NMRK2: variants seen among roughly 807,000 people sequenced by gnomAD.
NMRK2 encodes NRK 2.
A neutral mutation model predicts 24.7 loss-of-function variants in NMRK2; 34 were observed. The ratio of observed to expected loss-of-function variants is 1.37; its 90% CI spans 1.05 to 1.83. The LOEUF is 1.83. NMRK2 is among the 40% of genes most tolerant of loss of function. NMRK2 has a pLI of 0.00. For synonymous variants in NMRK2, 145 were observed against 125.6 expected (o/e 1.15, Z -1.03); for missense variants, 341 against 315.0 (o/e 1.08, Z -0.62).
intron 7 of NMRK2, 70 bp downstream of exon 7, chr19:3,941,247 A>G: frequency 3.3e-6 from 2 of 607,104 alleles, no homozygotes; most frequent in Non-Finnish European, 5.1e-6. Flanking sequence ...GCCCCTCTCC[A>G]TCTTTTTTTT....
rs576258890 is a variant in NMRK2 at position 3,934,246 on chromosome 19, C to CA, written c.26+559dup. Among the ~76,000 whole-genome samples, 530 of 149,004 alleles carry CA rather than the reference C, an allele frequency of 3.6e-3. 3 individuals are homozygous for CA. The highest frequency in any genetic ancestry group is 4.7e-3 in the Non-Finnish European group (317 of 67,022). On this transcript the variant is annotated intron_variant, in intron 2 of 7. Coordinates refer to ENST00000168977, the MANE Select transcript of NMRK2 (RefSeq NM_170678.3). Reference sequence around the variant, plus strand: ...TGGGCGACAGAGTGAGGCTGTGTCTCAAAAAAAAAATCAGTAGGGACAGAA... The same window carrying CA: ...TGGGCGACAGAGTGAGGCTGTGTCTCAAAAAAAAAAATCAGTAGGGACAGAA...
chr19:3,936,542 C>T, intron 2 of NMRK2, 33 bp from the exon 3 acceptor site: 1 of 1,500,084 alleles, frequency 6.7e-7, no homozygotes, highest in Non-Finnish European at 8.9e-7. Flanking sequence ...TGGGGGGAGC[C>T]CAGGCAGTCT....
Position 3,938,766 on chromosome 19 carries a change from A to ATC in NMRK2, c.323+9_323+10dup, listed in dbSNP as rs1192790144. ...TCCTGCTCTACAGCTACAAGTAAACATCTGCAGGCTCTGGCCCCAGGCATG... is the reference window on the plus strand; with the variant it reads ...TCCTGCTCTACAGCTACAAGTAAACATCTCTGCAGGCTCTGGCCCCAGGCATG... On this transcript the variant is annotated splice_region_variant and intron_variant, in intron 5 of 7. Transcript: ENST00000168977. 1.9e-6 allele frequency: 3 copies of ATC among 1,561,042 alleles called. No individual in the cohort carries two copies. Among genetic ancestry groups the ATC allele is most frequent in the African/African-American group, 2.9e-5 (2 of 69,336 alleles).
chr19:3,937,169 A>G (rs1200194729), intron 3 of NMRK2, 71 bp from the exon 4 acceptor site: 1 of 1,511,064 alleles, frequency 6.6e-7, no homozygotes, highest in East Asian at 2.3e-5. Context: ...ACCCCCTAAG[A>G]CTCCATCACC....
At position 3,942,341 on chromosome 19, in the gene NMRK2, G is replaced by T; in HGVS notation, c.*68G>T. 1 of 1,448,746 alleles carries T rather than the reference G, an allele frequency of 6.9e-7. No individual in the cohort carries two copies. 89.7% of individuals were successfully genotyped at this position (1,448,746 alleles called of 1,614,324 possible). ...CCCACTCCCAGTTGGGCGTCCCGGA[G>T]CTCAGGGACTGAGCCCCAAGACGCC... On this transcript the variant is annotated 3_prime_UTR_variant, in exon 8 of 8. Coordinates refer to ENST00000168977, the MANE Select transcript of NMRK2 (RefSeq NM_170678.3).
chr19:3,940,734 C>CAAA (rs752138779), intron 6 of NMRK2, among the ~76,000 whole-genome samples: 3 of 74,362 alleles, frequency 4.0e-5, no homozygotes, highest in African/African-American at 9.6e-5. Context: ...GATTCCATCT[C>CAAA]AAAAAAAAAA....
At chr19:3,937,422 G>A in intron 4 of NMRK2, 134 bp downstream of exon 4, 2 of 425,068 alleles carry the variant, frequency 4.7e-6, no homozygotes, top group South Asian at 4.6e-5. Flanking sequence ...TTCCCCCGGG[G>A]TCCGCCCTCC....
At chr19:3,933,410 G>A in intron 1 of NMRK2, 48 bp from the exon 2 acceptor site, 1 of 500,990 alleles carries the variant, frequency 2.0e-6, no homozygotes, top group Non-Finnish European at 3.5e-6. Context: ...GGAGGGAAGA[G>A]GCAGCCCCCT....
At chr19:3,933,964 T>C (rs938687708) in intron 2 of NMRK2, among the ~76,000 whole-genome samples, 1 of 147,328 alleles carries the variant, frequency 6.8e-6, no homozygotes. Flanking sequence ...AAAAAAAAAA[T>C]AGACCAGACA....
chr19:3,940,964 C>T (rs1599165423), intron 6 of NMRK2, 107 bp from the exon 7 acceptor site: 1 of 699,020 alleles, frequency 1.4e-6, no homozygotes, highest in East Asian at 2.8e-5. Context: ...TCCCCTTGCT[C>T]AGAGGTTCTG....
At chr19:3,935,823 G>A (rs557946438) in intron 2 of NMRK2, among the ~76,000 whole-genome samples, 73 of 150,492 alleles carry the variant, frequency 4.9e-4, no homozygotes, top group Middle Eastern at 3.5e-3. Flanking sequence ...CACCTGCTTC[G>A]GCCTCCCAAA....
At position 3,938,834 on chromosome 19, in the gene NMRK2, T is replaced by TG. The variant is rs1568180835; in HGVS notation, c.323+75_323+76insG. The stretch of plus-strand genomic sequence containing the variant: ...ATAGCCATCTCTTGTTTTTTTTTTT[T>TG]TTTTTTTTTGTTTTGTTTTTTTTTT... On this transcript the variant is annotated intron_variant, in intron 5 of 7. Transcript: ENST00000168977. 1.5e-4 allele frequency: 94 copies of TG among 609,212 alleles called. 2 individuals are homozygous for TG. The African/African-American group carries it at 3.3e-3, about 21-fold the overall frequency. The allele number at this position is 609,212 out of a possible 1,614,324, so 37.7% of individuals were successfully genotyped here.
chr19:3,939,455 A>T lies in NMRK2; in HGVS notation c.324-445A>T, dbSNP rs554695506. Among the ~76,000 whole-genome samples the T allele has an allele frequency of 2.6e-3, 397 of 152,112 alleles. 1 individual carries two copies. Among genetic ancestry groups the T allele is most frequent in the African/African-American group, 9.0e-3 (374 of 41,542 alleles). On this transcript the variant is annotated intron_variant, in intron 5 of 7. Coordinates refer to ENST00000168977, the MANE Select transcript of NMRK2 (RefSeq NM_170678.3). Reference sequence around the variant, plus strand: ...CTTGAACCCGGGAAGTGGAGGTTGCAGTAAGCCGAGATCGCACCACTGCAC... The same window carrying T: ...CTTGAACCCGGGAAGTGGAGGTTGCTGTAAGCCGAGATCGCACCACTGCAC...
chr19:3,935,318 C>G lies in NMRK2; in HGVS notation c.27-1257C>G, dbSNP rs1235902597. On this transcript the variant is annotated intron_variant, in intron 2 of 7. Transcript: ENST00000168977. ...TCACCAAGGCTGGAGTGGAGTGGCA[C>G]AATCTCAGCTCACTGCAACCTCTGA... Among the ~76,000 whole-genome samples the G allele has an allele frequency of 2.1e-5, 3 of 141,756 alleles. No individual in the cohort carries two copies. The East Asian group carries it at 6.6e-4, about 31-fold the overall frequency. The allele number at this position is 141,756 out of a possible 152,430, so 93.0% of individuals were successfully genotyped here.
intron 4 of NMRK2, among the ~76,000 whole-genome samples, chr19:3,938,031 C>T (rs1306885565): frequency 2.2e-5 from 3 of 136,310 alleles, no homozygotes; most frequent in Non-Finnish European, 4.7e-5. Context: ...TGCCCTCCTG[C>T]AATACCTGCT....
intron 2 of NMRK2, 71 bp from the exon 3 acceptor site, chr19:3,936,504 G>C: frequency 8.8e-7 from 1 of 1,141,670 alleles, no homozygotes; most frequent in East Asian, 2.6e-5. Context: ...CTGCACCTCA[G>C]GCCCCCTTCT....
In NMRK2 at chr19:3,942,209, G is replaced by A; in HGVS notation, c.629G>A (p.Gly210Glu). ...CCGGCTCGCCCAGCCAGGACACAGG[G>A]ACCCGGACGCGGATGCGGCCACAGA... ...PSPARPARTQ[G>E]PGRGCGHRTA... The change falls in exon 8 of 8, where the codon GGA (glycine) becomes GAA (glutamate). Residue 210 changes from glycine to glutamate, a missense_variant. By Grantham distance (98) the Gly-to-Glu change is moderately conservative. Coordinates refer to ENST00000168977, the MANE Select transcript of NMRK2 (RefSeq NM_170678.3). The A allele has an allele frequency of 1.2e-6, 2 of 1,613,046 alleles. No homozygotes were observed. Among genetic ancestry groups the A allele is most frequent in the South Asian group, 1.1e-5 (1 of 91,068 alleles).
chr19:3,941,275 A>T (rs2039328869), intron 7 of NMRK2, 98 bp downstream of exon 7: 1 of 639,514 alleles, frequency 1.6e-6, no homozygotes. Flanking sequence ...TTCAAGACAG[A>T]GTCTCACTCT....
Position 3,939,883 on chromosome 19 carries a change from T to TCC in NMRK2, c.324-13_324-12dup. 1 of 1,609,678 alleles carries TCC rather than the reference T, an allele frequency of 6.2e-7. No individual in the cohort carries two copies. The highest frequency in any genetic ancestry group is 8.5e-7 in the Non-Finnish European group (1 of 1,176,362). The stretch of plus-strand genomic sequence containing the variant: ...AAAGCTCACAGGTGCTGACCGTGTC[T>TCC]CCCCCACTCCGCCCAGGCCCCTGGT... On this transcript the variant is annotated splice_polypyrimidine_tract_variant and intron_variant, in intron 5 of 7. Coordinates refer to ENST00000168977, the MANE Select transcript of NMRK2 (RefSeq NM_170678.3).
Sources: gnomAD v4.1 joint callset for allele counts (sites outside exome capture counted in the v4.1 genomes callset) on GRCh38, gnomAD v4.1.1 for gene constraint, MANE v1.5 for transcripts, NCBI Gene and HGNC (gene_info 2026-07-23, HGNC 2026-07-21) for gene names.